ADAMTSL1: variants seen among roughly 807,000 people sequenced by gnomAD.
ADAMTSL1 encodes ADAMTS-like protein 1.
ADAMTSL1 carries 126 observed loss-of-function variants against 201.8 expected under a neutral mutation model. That is an observed-to-expected ratio of 0.62 (90% CI 0.54 to 0.72). ADAMTSL1 has a LOEUF of 0.72. Ranked by LOEUF, ADAMTSL1 falls within the 30% of genes least tolerant of loss-of-function variation. The pLI, the probability that ADAMTSL1 is intolerant of heterozygous loss-of-function variation, is 0.00. For missense variants in ADAMTSL1, 2,679 were observed against 2,277.8 expected, an observed-to-expected ratio of 1.18 and a Z score of -3.59; for synonymous variants, 1,121 against 903.4, an observed-to-expected ratio of 1.24 and a Z score of -4.32.
intron 23 of ADAMTSL1, among the ~76,000 whole-genome samples, chr9:18,840,528 TG>T (rs1342711599): frequency 6.6e-6 from 1 of 152,238 alleles, no homozygotes; most frequent in African/African-American, 2.4e-5. Context: ...GGCTCTTTTT[TG>T]GTTCCATATG....
chr9:18,890,609 C>G, intron 25 of ADAMTSL1: 1 of 455,950 alleles, frequency 2.2e-6, no homozygotes, highest in Non-Finnish European at 4.4e-6. Flanking sequence ...ATGAAACATG[C>G]TCATTAATAT....
chr9:18,009,787 A>G (rs1819976418), intron 1 of ADAMTSL1, among the ~76,000 whole-genome samples: 1 of 152,014 alleles, frequency 6.6e-6, no homozygotes, highest in Admixed American at 6.6e-5. Context: ...TTCTAACTTA[A>G]TGGTCATTAT....
At chr9:18,018,937 G>A (rs541715551) in intron 1 of ADAMTSL1, among the ~76,000 whole-genome samples, 2 of 152,222 alleles carry the variant, frequency 1.3e-5, no homozygotes, top group East Asian at 3.9e-4. Flanking sequence ...GAACCAGGTA[G>A]TGGGCAGAAA....
At chr9:17,980,635 G>A (rs572596752) in intron 1 of ADAMTSL1, among the ~76,000 whole-genome samples, 3 of 151,990 alleles carry the variant, frequency 2.0e-5, no homozygotes, top group South Asian at 2.1e-4. Context: ...GGGCAATTGG[G>A]TCATGAGGGT....
chr9:18,073,342 G>A (rs997630196), intron 1 of ADAMTSL1, among the ~76,000 whole-genome samples: 1 of 152,132 alleles, frequency 6.6e-6, no homozygotes, highest in African/African-American at 2.4e-5. Flanking sequence ...AACTAGTTTT[G>A]TGCTTTCTAC....
intron 9 of ADAMTSL1, among the ~76,000 whole-genome samples, chr9:18,666,372 A>G (rs561232108): frequency 6.6e-6 from 1 of 152,318 alleles, no homozygotes; most frequent in South Asian, 2.1e-4. Context: ...GCTTTTCATT[A>G]GAGACTCAGA....
At chr9:18,372,044 G>T (rs542715209) in intron 2 of ADAMTSL1, among the ~76,000 whole-genome samples, 5 of 152,246 alleles carry the variant, frequency 3.3e-5, no homozygotes, top group Admixed American at 2.6e-4. Context: ...TACAAGATTT[G>T]GCTTGAATAA....
At chr9:18,418,582 C>A (rs1329097371) in intron 2 of ADAMTSL1, among the ~76,000 whole-genome samples, 1 of 151,746 alleles carries the variant, frequency 6.6e-6, no homozygotes, top group African/African-American at 2.4e-5. Context: ...AATTAAAAAC[C>A]AATACTATTT....
chr9:17,965,664 A>G (rs1380831839), intron 1 of ADAMTSL1, among the ~76,000 whole-genome samples: 4 of 152,190 alleles, frequency 2.6e-5, no homozygotes, highest in Non-Finnish European at 5.9e-5. Context: ...GACAATTCCT[A>G]TGACTAAAAG....
intron 1 of ADAMTSL1, among the ~76,000 whole-genome samples, chr9:17,918,843 T>G (rs998176005): frequency 3.3e-5 from 5 of 151,940 alleles, no homozygotes; most frequent in Non-Finnish European, 2.9e-5. Flanking sequence ...TTGCTTTATT[T>G]TAAAGCTCTG....
rs138249569 is a variant in ADAMTSL1 at position 17,935,854 on chromosome 9, G to T, written c.87+28932G>T. Among the ~76,000 whole-genome samples the T allele has an allele frequency of 2.5e-3, 385 of 152,276 alleles. 2 individuals are homozygous for T. Among genetic ancestry groups the T allele is most frequent in the Non-Finnish European group, 3.5e-3 (238 of 68,006 alleles). On this transcript the variant is annotated intron_variant, in intron 1 of 29. Coordinates refer to the ADAMTSL1 transcript ENST00000680146. ...TCTCGTCTCAGTAGAGCATGCAGGT[G>T]ATCCTATTAAACATGACTCAGGTTA...
chr9:18,257,726 G>A (rs1412573282), intron 2 of ADAMTSL1, among the ~76,000 whole-genome samples: 1 of 152,074 alleles, frequency 6.6e-6, no homozygotes, highest in Non-Finnish European at 1.5e-5. Flanking sequence ...TGTTTATAGT[G>A]CATTATTCAC....
At chr9:18,751,016 C>T (rs914992994) in intron 15 of ADAMTSL1, among the ~76,000 whole-genome samples, 1 of 152,094 alleles carries the variant, frequency 6.6e-6, no homozygotes. Flanking sequence ...TGTGACCTAG[C>T]CTTGGAAGTC....
chr9:18,216,084 A>G (rs887773092), intron 2 of ADAMTSL1, among the ~76,000 whole-genome samples: 1 of 152,198 alleles, frequency 6.6e-6, no homozygotes. Flanking sequence ...TTTCCCCCAC[A>G]CATTCCATTG....
At chr9:18,026,117 T>G (rs2131593845) in intron 1 of ADAMTSL1, among the ~76,000 whole-genome samples, 1 of 152,154 alleles carries the variant, frequency 6.6e-6, no homozygotes, top group East Asian at 1.9e-4. Flanking sequence ...TGGTAGAGTC[T>G]TTAGAGTTTT....
intron 20 of ADAMTSL1, among the ~76,000 whole-genome samples, chr9:18,806,356 T>C (rs7856843): frequency 0.015 from 2,342 of 152,302 alleles, 58 homozygotes; most frequent in African/African-American, 0.054. Context: ...TGCTCATAGC[T>C]AACTGCAAAA....
At chr9:18,076,912 T>C (rs1245980115) in intron 1 of ADAMTSL1, among the ~76,000 whole-genome samples, 2 of 152,048 alleles carry the variant, frequency 1.3e-5, no homozygotes, top group South Asian at 2.1e-4. Flanking sequence ...TACAAGGTAG[T>C]AGAGATGACA....
intron 7 of ADAMTSL1, among the ~76,000 whole-genome samples, chr9:18,639,822 C>T (rs969000149): frequency 6.6e-6 from 1 of 152,056 alleles, no homozygotes; most frequent in East Asian, 1.9e-4. Flanking sequence ...CAATGGCAAG[C>T]TCTGTTTTCT....
At chr9:18,554,298 C>G (rs1820975569) in intron 3 of ADAMTSL1, among the ~76,000 whole-genome samples, 1 of 151,552 alleles carries the variant, frequency 6.6e-6, no homozygotes, top group Non-Finnish European at 1.5e-5. Context: ...TCAGAATTTT[C>G]TGTAGGTCTG....
Sources: allele counts gnomAD v4.1 joint callset (sites outside exome capture counted in the v4.1 genomes callset), GRCh38; gene constraint gnomAD v4.1.1; transcripts MANE v1.5; gene names NCBI Gene and HGNC (gene_info 2026-07-23, HGNC 2026-07-21).